Variants in ADAM23 observed in about 807,000 individuals in gnomAD.
The protein encoded by ADAM23 is disintegrin and metalloproteinase domain-containing protein 23.
In ADAM23, 33 loss-of-function variants were observed where a neutral mutation model predicts 120.1. The ratio of observed to expected loss-of-function variants is 0.27; its 90% CI spans 0.21 to 0.37. The LOEUF (loss-of-function observed/expected upper bound fraction) is 0.37, where lower values mean the gene tolerates loss of function less well. ADAM23 is among the 10% of genes least tolerant of loss of function. ADAM23 has a pLI of 1.00. For synonymous variants in ADAM23, 367 were observed against 375.2 expected (o/e 0.98, Z 0.25); for missense variants, 862 against 1,058.2 (o/e 0.81, Z 2.57).
At chr2:206,524,628 A>G (rs888644927) in intron 3 of ADAM23, among the ~76,000 whole-genome samples, 3 of 152,216 alleles carry the variant, frequency 2.0e-5, no homozygotes, top group African/African-American at 7.2e-5. Context: ...TATGTCTTAC[A>G]TGGTGGCAGA....
intron 18 of ADAM23, among the ~76,000 whole-genome samples, chr2:206,585,095 T>G (rs1482951662): frequency 1.3e-5 from 2 of 152,204 alleles, no homozygotes; most frequent in African/African-American, 4.8e-5. Context: ...AGGAGCAGTC[T>G]GCTTCCTTCA....
chr2:206,469,633 A>G (rs191177601), intron 2 of ADAM23, among the ~76,000 whole-genome samples: 8 of 152,344 alleles, frequency 5.3e-5, no homozygotes, highest in Admixed American at 4.6e-4. Flanking sequence ...AATTCTCAGC[A>G]AATTACTATT....
At chr2:206,596,628 A>G (rs1394071808) in intron 24 of ADAM23, among the ~76,000 whole-genome samples, 1 of 152,230 alleles carries the variant, frequency 6.6e-6, no homozygotes, top group East Asian at 1.9e-4. Context: ...GGAATTCTTC[A>G]TAGAACTTTC....
chr2:206,578,895 A>G (rs993022705), intron 18 of ADAM23, among the ~76,000 whole-genome samples: 54 of 152,138 alleles, frequency 3.5e-4, no homozygotes, highest in African/African-American at 1.3e-3. Context: ...CATCCACGCC[A>G]GTGTCTACTG....
At chr2:206,497,489 G>A (rs890101442) in intron 3 of ADAM23, among the ~76,000 whole-genome samples, 3 of 152,110 alleles carry the variant, frequency 2.0e-5, no homozygotes, top group Admixed American at 6.5e-5. Flanking sequence ...ATTAGGTATC[G>A]ATGGGACATA....
intron 21 of ADAM23, 64 bp downstream of exon 21, chr2:206,589,578 A>G: frequency 1.5e-6 from 2 of 1,331,808 alleles, no homozygotes; most frequent in Admixed American, 2.2e-5. Flanking sequence ...CAAGTGCAAA[A>G]TGAGCACAAA....
At chr2:206,531,461 A>C (rs1697061169) in intron 4 of ADAM23, among the ~76,000 whole-genome samples, 1 of 152,222 alleles carries the variant, frequency 6.6e-6, no homozygotes, top group Non-Finnish European at 1.5e-5. Flanking sequence ...AGGGCAAATA[A>C]GCCTGCTTAA....
chr2:206,446,701 C>T (rs762336352), intron 2 of ADAM23, among the ~76,000 whole-genome samples: 94 of 152,018 alleles, frequency 6.2e-4, no homozygotes, highest in Admixed American at 1.2e-3. Context: ...TTGAATATTA[C>T]TGGAGAGGTG....
intron 4 of ADAM23, among the ~76,000 whole-genome samples, chr2:206,538,098 T>C (rs1190296426): frequency 3.3e-5 from 5 of 152,180 alleles, no homozygotes; most frequent in African/African-American, 1.2e-4. Context: ...TAGTATAATT[T>C]ATGTGAACTA....
intron 2 of ADAM23, among the ~76,000 whole-genome samples, chr2:206,472,436 C>T (rs769780333): frequency 6.6e-6 from 1 of 151,588 alleles, no homozygotes; most frequent in Non-Finnish European, 1.5e-5. Flanking sequence ...ATGGTGAAAC[C>T]CTGTCTTTAC....
chr2:206,589,606 T>C, intron 21 of ADAM23, 92 bp downstream of exon 21: 1 of 1,040,878 alleles, frequency 9.6e-7, no homozygotes, highest in Non-Finnish European at 1.4e-6. Context: ...CTAATGATTT[T>C]TTTCTAAGTG....
At chr2:206,451,105 T>G (rs1420166862) in intron 2 of ADAM23, among the ~76,000 whole-genome samples, 2 of 152,130 alleles carry the variant, frequency 1.3e-5, no homozygotes, top group South Asian at 2.1e-4. Context: ...AAAGAGTAAT[T>G]AGGAGTTAAG....
intron 3 of ADAM23, among the ~76,000 whole-genome samples, chr2:206,519,472 A>G (rs921658920): frequency 7.2e-5 from 11 of 152,114 alleles, no homozygotes; most frequent in Admixed American, 7.2e-4. Context: ...AATTTTTGTG[A>G]TGCTATGAAA....
Position 206,547,421 on chromosome 2 carries a change from T to C in ADAM23, c.721-8T>C, listed in dbSNP as rs375915627. 1.2e-6 allele frequency: 2 copies of C among 1,609,968 alleles called. No homozygotes were observed. Among genetic ancestry groups the C allele is most frequent in the African/African-American group, 2.7e-5 (2 of 74,698 alleles). On this transcript the variant is annotated splice_polypyrimidine_tract_variant and splice_region_variant and intron_variant, in intron 6 of 25. Transcript: ENST00000264377. ...CTTTCTAAATTGCCTACAATTGTTT[T>C]GTTTCAGAAAAGCACAGGTCGACCA...
intron 2 of ADAM23, among the ~76,000 whole-genome samples, chr2:206,452,952 A>C (rs1695227588): frequency 6.6e-6 from 1 of 152,136 alleles, no homozygotes; most frequent in Non-Finnish European, 1.5e-5. Flanking sequence ...TCAATCCATC[A>C]GTCCCACTGC....
intron 3 of ADAM23, among the ~76,000 whole-genome samples, chr2:206,496,726 A>G (rs1032338718): frequency 1.9e-4 from 29 of 152,212 alleles, no homozygotes; most frequent in Non-Finnish European, 3.8e-4. Flanking sequence ...GGTTTTTTGA[A>G]CAGATCAACA....
At chr2:206,572,836 T>C (rs1023895565) in intron 17 of ADAM23, among the ~76,000 whole-genome samples, 1 of 152,204 alleles carries the variant, frequency 6.6e-6, no homozygotes, top group South Asian at 2.1e-4. Flanking sequence ...CTTCTTTAGG[T>C]GATTTCCGTC....
chr2:206,533,944 C>A (rs1174864971), intron 4 of ADAM23, among the ~76,000 whole-genome samples: 1 of 152,210 alleles, frequency 6.6e-6, no homozygotes, highest in Non-Finnish European at 1.5e-5. Context: ...CAGTGCTTTG[C>A]ACATAATATA....
Position 206,596,065 on chromosome 2 carries a change from A to T in ADAM23, c.2262A>T (p.Glu754Asp), listed in dbSNP as rs1221695264. 6 of 1,613,758 alleles carry T rather than the reference A, an allele frequency of 3.7e-6. No homozygotes were observed. The highest frequency in any genetic ancestry group is 1.7e-6 in the Non-Finnish European group (2 of 1,179,880). The change falls in exon 24 of 26, where the codon GAA becomes GAT. Residue 754 changes from glutamate to aspartate, a missense_variant. This residue lies in a region of ADAM23 where 617 missense variants were observed against 813.5 expected (regional missense o/e 0.76). Coordinates refer to ENST00000264377, the MANE Select transcript of ADAM23 (RefSeq NM_003812.4). Reference sequence around the variant, plus strand: ...TTTCTTCACAGGTGTGTAGTAATGAAGCCACCTGCATTTGTGATTTCACCT... The same window carrying T: ...TTTCTTCACAGGTGTGTAGTAATGATGCCACCTGCATTTGTGATTTCACCT... ...VCSGHGVCSN[E>D]ATCICDFTWA...
Sources: gnomAD v4.1 joint callset for allele counts (sites outside exome capture counted in the v4.1 genomes callset) on GRCh38, gnomAD v4.1.1 for gene constraint, gnomAD v4.1.1 regional missense constraint, MANE v1.5 for transcripts, NCBI Gene and HGNC (gene_info 2026-07-23, HGNC 2026-07-21) for gene names.